The following EGLN3 variants were observed in gnomAD, a reference collection of about 807,000 sequenced individuals.
The protein encoded by EGLN3 is egl-9 family hypoxia inducible factor 3, also known as prolyl hydroxylase EGLN3.
Under a neutral mutation model 26.0 loss-of-function variants are expected in EGLN3, and 15 were observed. The observed-to-expected ratio is 0.58, with a 90% CI of 0.39 to 0.89. EGLN3 has a LOEUF of 0.89. Among genes scored for constraint, EGLN3 ranks in the 40% least tolerant of loss-of-function variants. The pLI, the probability that EGLN3 is intolerant of heterozygous loss-of-function variation, is 0.00. For missense variants in EGLN3, 238 were observed against 311.6 expected, an observed-to-expected ratio of 0.76 and a Z score of 1.78; for synonymous variants, 147 against 127.2, an observed-to-expected ratio of 1.16 and a Z score of -1.05.
intron 1 of EGLN3, among the ~76,000 whole-genome samples, chr14:33,943,967 G>T (rs907109303): frequency 6.6e-6 from 1 of 152,126 alleles, no homozygotes; most frequent in Non-Finnish European, 1.5e-5. Flanking sequence ...AGACAGGCTT[G>T]CATAACTCCA....
chr14:33,947,141 T>C (rs1021912732), intron 1 of EGLN3, among the ~76,000 whole-genome samples: 1 of 152,196 alleles, frequency 6.6e-6, no homozygotes, highest in Non-Finnish European at 1.5e-5. Context: ...ATACATTCTC[T>C]GGAAAACAGC....
In EGLN3 at chr14:33,925,864, A is replaced by C. The variant is rs112628025; in HGVS notation, c.*27T>G. 658 of 1,613,760 alleles carry C rather than the reference A, an allele frequency of 4.1e-4. 2 individuals carry two copies. The African/African-American group carries it at 8.0e-3, about 20-fold the overall frequency. On this transcript the variant is annotated 3_prime_UTR_variant, in exon 5 of 5. Transcript: ENST00000250457. The stretch of plus-strand genomic sequence containing the variant: ...AATTCAGGAACCGTTACTAAAATGA[A>C]CAAGGCCAGCAGATTTCAGAGCACG...
intron 1 of EGLN3, among the ~76,000 whole-genome samples, chr14:33,938,842 C>A (rs989369650): frequency 6.6e-6 from 1 of 152,198 alleles, no homozygotes; most frequent in African/African-American, 2.4e-5. Context: ...TCACACCGCT[C>A]CAAGTCCTTG....
chr14:33,925,596 G>A lies in EGLN3; in HGVS notation c.*295C>T, dbSNP rs145014332. On this transcript the variant is annotated 3_prime_UTR_variant, in exon 5 of 5. Coordinates refer to ENST00000250457, the MANE Select transcript of EGLN3 (RefSeq NM_022073.4). Reference sequence around the variant, plus strand: ...GTTCATTCCCTCGCTGTGCTCCTAGGCTCTTCTCTTGATAGTATTACCGAA... The same window carrying A: ...GTTCATTCCCTCGCTGTGCTCCTAGACTCTTCTCTTGATAGTATTACCGAA... 2 of 390,166 alleles carry A rather than the reference G, an allele frequency of 5.1e-6. No homozygotes were observed. Among genetic ancestry groups the A allele is most frequent in the East Asian group, 4.7e-5 (1 of 21,218 alleles). The allele number at this position is 390,166 out of a possible 1,614,324, so 24.2% of individuals were successfully genotyped here. A position where few individuals can be genotyped will look rare whatever the true frequency, so the allele number is the denominator to read the frequency against.
intron 4 of EGLN3, among the ~76,000 whole-genome samples, chr14:33,926,137 A>G (rs1224181413): frequency 6.6e-6 from 1 of 152,202 alleles, no homozygotes; most frequent in Non-Finnish European, 1.5e-5. Context: ...TACATCCAGC[A>G]TTGGCACCTC....
At chr14:33,941,291 C>T (rs1173590645) in intron 1 of EGLN3, among the ~76,000 whole-genome samples, 1 of 152,124 alleles carries the variant, frequency 6.6e-6, no homozygotes, top group African/African-American at 2.4e-5. Context: ...AGGACCAGAA[C>T]CTGGGGCCCT....
intron 2 of EGLN3, among the ~76,000 whole-genome samples, chr14:33,930,807 T>G (rs2064397453): frequency 6.6e-6 from 1 of 152,116 alleles, no homozygotes; most frequent in South Asian, 2.1e-4. Flanking sequence ...CTGAAAAAAA[T>G]TAATCCTTAA....
chr14:33,940,934 C>T (rs182374839), intron 1 of EGLN3, among the ~76,000 whole-genome samples: 9 of 152,234 alleles, frequency 5.9e-5, no homozygotes, highest in African/African-American at 1.9e-4. Context: ...GTCATATCAG[C>T]GCTGGGGTTG....
At chr14:33,945,013 T>C (rs566611664) in intron 1 of EGLN3, among the ~76,000 whole-genome samples, 20 of 152,334 alleles carry the variant, frequency 1.3e-4, no homozygotes, top group African/African-American at 4.8e-4. Context: ...CCATGAAAAC[T>C]TGCCCATTGG....
rs1188877930 is a variant in EGLN3, at chr14:33,924,280, C to T, written c.*1611G>A. ...ATTTACTGAGCCCTTACTATGTTCC[C>T]GGCACTATTTTAGGTGCTGAGAGTA... is the stretch of plus-strand genomic sequence containing the variant. On this transcript the variant is annotated 3_prime_UTR_variant, in exon 5 of 5. Transcript: ENST00000250457. The T allele has an allele frequency of 2.0e-5, 3 of 152,070 alleles. No individual in the cohort carries two copies. The highest frequency in any genetic ancestry group is 2.1e-4 in the South Asian group (1 of 4,808). 9.4% of individuals were successfully genotyped at this position (152,070 alleles called of 1,614,324 possible). A position where few individuals can be genotyped will look rare whatever the true frequency, so the allele number is the denominator to read the frequency against.
intron 1 of EGLN3, among the ~76,000 whole-genome samples, chr14:33,940,409 A>G (rs951797064): frequency 2.0e-5 from 3 of 152,120 alleles, no homozygotes; most frequent in African/African-American, 7.2e-5. Context: ...TTAGCAATAA[A>G]TAATCTAATG....
At chr14:33,931,328 A>C in intron 1 of EGLN3, 113 bp from the exon 2 acceptor site, 5 of 1,500,636 alleles carry the variant, frequency 3.3e-6, no homozygotes, top group Non-Finnish European at 4.5e-6. Flanking sequence ...TGACATTTAC[A>C]GGTAGTTGCT....
rs745592902 is a variant in EGLN3, at chr14:33,925,937, G to A, written c.689-15C>T. On this transcript the variant is annotated splice_polypyrimidine_tract_variant and intron_variant, in intron 4 of 4. Coordinates refer to ENST00000250457, the MANE Select transcript of EGLN3 (RefSeq NM_022073.4). Reference sequence around the variant, plus strand: ...TTCAGTTTTCCCTGGGTTGGGGACAGAAAGGAGAATAAAGAGGGTATGGAG... The same window carrying A: ...TTCAGTTTTCCCTGGGTTGGGGACAAAAAGGAGAATAAAGAGGGTATGGAG... 1.3e-6 allele frequency: 2 copies of A among 1,593,216 alleles called. No individual in the cohort carries two copies. The highest frequency in any genetic ancestry group is 3.4e-5 in the Admixed American group (2 of 58,616).
At chr14:33,940,455 G>A (rs2064474470) in intron 1 of EGLN3, among the ~76,000 whole-genome samples, 1 of 151,684 alleles carries the variant, frequency 6.6e-6, no homozygotes, top group African/African-American at 2.4e-5. Flanking sequence ...TTGTTAACAG[G>A]GAAACTGTAG....
chr14:33,940,920 T>G (rs1043622409), intron 1 of EGLN3, among the ~76,000 whole-genome samples: 2 of 152,216 alleles, frequency 1.3e-5, no homozygotes, highest in African/African-American at 2.4e-5. Flanking sequence ...CTCTGAGGAT[T>G]ACTGTCATAT....
At chr14:33,945,744 C>T (rs994657915) in intron 1 of EGLN3, among the ~76,000 whole-genome samples, 1 of 152,214 alleles carries the variant, frequency 6.6e-6, no homozygotes, top group Non-Finnish European at 1.5e-5. Flanking sequence ...ATTTCTTGCA[C>T]TTGGATCCTG....
intron 1 of EGLN3, among the ~76,000 whole-genome samples, chr14:33,943,611 C>T (rs1334298764): frequency 5.9e-5 from 9 of 152,338 alleles, no homozygotes; most frequent in Non-Finnish European, 7.3e-5. Context: ...CCTAGGGCTG[C>T]AAAGTTGGGT....
chr14:33,930,018 A>G (rs1455828344), intron 2 of EGLN3, among the ~76,000 whole-genome samples: 2 of 152,176 alleles, frequency 1.3e-5, no homozygotes, highest in Admixed American at 1.3e-4. Flanking sequence ...CTTTTATGAC[A>G]TACACCACTC....
At chr14:33,930,268 A>T (rs1419853801) in intron 2 of EGLN3, among the ~76,000 whole-genome samples, 1 of 152,158 alleles carries the variant, frequency 6.6e-6, no homozygotes, top group Non-Finnish European at 1.5e-5. Context: ...GACTTAATGG[A>T]TGTATTCCAG....
Sources: allele counts gnomAD v4.1 joint callset (sites outside exome capture counted in the v4.1 genomes callset), GRCh38; gene constraint gnomAD v4.1.1; transcripts MANE v1.5; gene names NCBI Gene and HGNC (gene_info 2026-07-23, HGNC 2026-07-21).